Variants in FTO observed in about 807,000 individuals in gnomAD.
FTO encodes the protein FTO alpha-ketoglutarate dependent dioxygenase.
A neutral mutation model predicts 63.9 loss-of-function variants in FTO; 47 were observed. The ratio of observed to expected loss-of-function variants is 0.74; its 90% CI spans 0.58 to 0.94. The LOEUF (loss-of-function observed/expected upper bound fraction) is 0.94. Among genes scored for constraint, FTO ranks in the 40% least tolerant of loss-of-function variants. FTO has a pLI of 0.00. For synonymous variants in FTO, 207 were observed against 224.4 expected, an observed-to-expected ratio of 0.92 and a Z score of 0.69; for missense variants, 562 against 618.1, an observed-to-expected ratio of 0.91 and a Z score of 0.96.
Position 53,869,198 on chromosome 16 carries a change from C to A in FTO, c.896-4588C>A, listed in dbSNP as rs80215945. Among the ~76,000 whole-genome samples, 1,095 of 151,436 alleles carry A rather than the reference C, an allele frequency of 7.2e-3. 11 individuals carry two copies. The highest frequency in any genetic ancestry group is 0.025 in the African/African-American group (1,040 of 41,344). ...CAATTCTAGGTTGCTGTTTTTTTTT[C>A]CTCTCAACACCTTAAGTATTTCACT... On this transcript the variant is annotated intron_variant, in intron 4 of 8. Transcript: ENST00000471389.
intron 7 of FTO, among the ~76,000 whole-genome samples, chr16:53,908,759 G>A (rs1048029031): frequency 5.3e-5 from 8 of 152,156 alleles, no homozygotes; most frequent in African/African-American, 1.9e-4. Context: ...AGGGCCAGGA[G>A]GTTTTCTGGC....
intron 3 of FTO, among the ~76,000 whole-genome samples, chr16:53,838,274 G>T (rs976395441): frequency 3.2e-4 from 49 of 152,260 alleles, no homozygotes; most frequent in African/African-American, 1.2e-3. Flanking sequence ...GCTCCTCCAG[G>T]TGTGGAGTTA....
chr16:53,864,333 C>G (rs2080250905), intron 4 of FTO, among the ~76,000 whole-genome samples: 2 of 152,122 alleles, frequency 1.3e-5, no homozygotes, highest in South Asian at 2.1e-4. Flanking sequence ...ACAGCAAACC[C>G]AAGGAAGTAA....
intron 8 of FTO, among the ~76,000 whole-genome samples, chr16:53,967,033 C>A (rs942206433): frequency 6.6e-6 from 1 of 152,166 alleles, no homozygotes. Context: ...CAGTTCTTGG[C>A]TGGATGAGTC....
At chr16:53,815,267 C>T (rs2078642935) in intron 2 of FTO, among the ~76,000 whole-genome samples, 1 of 152,170 alleles carries the variant, frequency 6.6e-6, no homozygotes, top group South Asian at 2.1e-4. Context: ...TCCCATTCAG[C>T]CTCTTCTCTA....
chr16:53,748,866 C>A (rs958857797), intron 1 of FTO, among the ~76,000 whole-genome samples: 8 of 152,134 alleles, frequency 5.3e-5, no homozygotes, highest in Non-Finnish European at 1.0e-4. Context: ...TGAGTTCCAG[C>A]AATTCTCCAG....
chr16:53,865,633 A>T (rs192353236), intron 4 of FTO, among the ~76,000 whole-genome samples: 384 of 152,162 alleles, frequency 2.5e-3, no homozygotes, highest in Non-Finnish European at 4.1e-3. Context: ...GAACATTCTG[A>T]ATCTGTTGTC....
intron 1 of FTO, among the ~76,000 whole-genome samples, chr16:53,763,329 A>C (rs1220601673): frequency 1.3e-5 from 2 of 152,210 alleles, no homozygotes; most frequent in Non-Finnish European, 2.9e-5. Flanking sequence ...GTTGATGATA[A>C]ATAAAGGTTG....
At chr16:53,804,400 G>C (rs1281827019) in intron 1 of FTO, among the ~76,000 whole-genome samples, 5 of 152,144 alleles carry the variant, frequency 3.3e-5, no homozygotes, top group Non-Finnish European at 7.4e-5. Context: ...GTTTGCTTCC[G>C]ATGTGGTACC....
At chr16:53,980,476 C>T (rs189572105) in intron 8 of FTO, among the ~76,000 whole-genome samples, 101 of 152,280 alleles carry the variant, frequency 6.6e-4, no homozygotes, top group African/African-American at 2.3e-3. Context: ...ATGCATACGC[C>T]CCTCTTCAAT....
intron 8 of FTO, chr16:53,982,048 C>A (rs2083557325): frequency 6.6e-6 from 1 of 152,136 alleles, no homozygotes. Context: ...CCACTGCACT[C>A]CAGCCTGGGC....
intron 2 of FTO, among the ~76,000 whole-genome samples, chr16:53,815,600 T>TCAG (rs2078652597): frequency 1.4e-5 from 2 of 147,616 alleles, no homozygotes; most frequent in Admixed American, 1.4e-4. Context: ...TTCAAATTCC[T>TCAG]CAGCATATCC....
intron 8 of FTO, among the ~76,000 whole-genome samples, chr16:54,046,064 C>T (rs1440942421): frequency 1.2e-5 from 1 of 84,002 alleles, no homozygotes; most frequent in Non-Finnish European, 1.9e-5. Flanking sequence ...CAGGGATGCC[C>T]TCTCTCACCG....
chr16:53,851,867 A>G (rs2079807741), intron 4 of FTO, among the ~76,000 whole-genome samples: 1 of 152,074 alleles, frequency 6.6e-6, no homozygotes, highest in Non-Finnish European at 1.5e-5. Flanking sequence ...AACTCCACCT[A>G]TCCCCAAGTT....
intron 4 of FTO, among the ~76,000 whole-genome samples, chr16:53,872,281 A>G (rs1037828177): frequency 1.3e-5 from 2 of 152,190 alleles, no homozygotes; most frequent in Non-Finnish European, 2.9e-5. Context: ...TTATTCATAC[A>G]TGCACAGGTC....
At chr16:54,009,560 G>A (rs2084290782) in intron 8 of FTO, among the ~76,000 whole-genome samples, 1 of 152,118 alleles carries the variant, frequency 6.6e-6, no homozygotes, top group African/African-American at 2.4e-5. Context: ...AATTCAGCAG[G>A]TTTGGGTTTT....
At chr16:53,858,360 G>A (rs1026601104) in intron 4 of FTO, among the ~76,000 whole-genome samples, 20 of 152,166 alleles carry the variant, frequency 1.3e-4, no homozygotes, top group Non-Finnish European at 2.2e-4. Context: ...TCAATAAAGA[G>A]ATTCTCAGGA....
chr16:54,104,001 T>A (rs1336830058), intron 8 of FTO, among the ~76,000 whole-genome samples: 2 of 152,164 alleles, frequency 1.3e-5, no homozygotes, highest in Non-Finnish European at 2.9e-5. Flanking sequence ...ATCCCTTCAA[T>A]TTGTACATCA....
intron 1 of FTO, among the ~76,000 whole-genome samples, chr16:53,750,401 C>T (rs1360243854): frequency 2.0e-5 from 3 of 151,882 alleles, no homozygotes; most frequent in Admixed American, 6.6e-5. Flanking sequence ...CCACACCTGG[C>T]GAATTTTTTG....
Sources: allele counts gnomAD v4.1 joint callset (sites outside exome capture counted in the v4.1 genomes callset), GRCh38; gene constraint gnomAD v4.1.1; transcripts MANE v1.5; gene names NCBI Gene and HGNC (gene_info 2026-07-23, HGNC 2026-07-21).